Variants in EBF4 observed in about 807,000 individuals in gnomAD.
The protein encoded by EBF4 is transcription factor COE4.
In EBF4, 34 loss-of-function variants were observed where a neutral mutation model predicts 67.1. The observed-to-expected ratio is 0.51, with a 90% CI of 0.39 to 0.67. The LOEUF is 0.67. Ranked by LOEUF, EBF4 falls within the 30% of genes least tolerant of loss-of-function variation. The pLI is 0.00. For missense variants in EBF4, 837 were observed against 873.3 expected, an observed-to-expected ratio of 0.96 and a Z score of 0.52; for synonymous variants, 387 against 377.7, an observed-to-expected ratio of 1.02 and a Z score of -0.29.
At chr20:2,736,008 A>G (rs1278678306) in intron 6 of EBF4, among the ~76,000 whole-genome samples, 2 of 152,358 alleles carry the variant, frequency 1.3e-5, no homozygotes, top group African/African-American at 4.8e-5. Flanking sequence ...ATAGCCACAC[A>G]TATTTATTGG....
rs2087295051 is a variant in EBF4, at chr20:2,696,829, G to A, written c.137+3047G>A. On this transcript the variant is annotated intron_variant, in intron 1 of 16. Transcript: ENST00000609451. The surrounding 1 kb of genome is among the most constrained non-coding windows in gnomAD (Gnocchi z 4.7). ...AGTGGCTTTAATGCTGCCTACGAATGCTTACCATAGGCCAGCATCTGCTCT... is the reference window on the plus strand; with the variant it reads ...AGTGGCTTTAATGCTGCCTACGAATACTTACCATAGGCCAGCATCTGCTCT... Among the ~76,000 whole-genome samples, 1 of 152,024 alleles carries A rather than the reference G, an allele frequency of 6.6e-6. No individual in the cohort carries two copies.
At chr20:2,714,088 G>A (rs2087576976) in intron 6 of EBF4, among the ~76,000 whole-genome samples, 1 of 152,180 alleles carries the variant, frequency 6.6e-6, no homozygotes, top group South Asian at 2.1e-4. Flanking sequence ...ATAAATGGCA[G>A]CAACAAGCAG....
At chr20:2,749,634 A>C in exon 9 of EBF4, 1 of 1,561,518 alleles carries the variant, frequency 6.4e-7, no homozygotes, top group Non-Finnish European at 8.7e-7. Flanking sequence ...CACCCCCTGC[A>C]TCAAGGCCAT....
rs773474239 is a variant in EBF4, at chr20:2,745,153, C to T, written c.558-3396C>T. Among the ~76,000 whole-genome samples the T allele has an allele frequency of 5.9e-5, 9 of 151,898 alleles. No homozygotes were observed. Among genetic ancestry groups the T allele is most frequent in the African/African-American group, 9.7e-5 (4 of 41,324 alleles). On this transcript the variant is annotated intron_variant, in intron 6 of 16. Transcript: ENST00000609451. This position sits in a 1 kb window ranked among gnomAD's most constrained non-coding sequence, Gnocchi z 5.2. ...TGAATGCAGAGATGTGATTCTGACT[C>T]AGCAGGTCTGAGGGGAGGCCTGAGA... is the stretch of plus-strand genomic sequence containing the variant.
intron 6 of EBF4, among the ~76,000 whole-genome samples, chr20:2,731,024 G>T (rs535987101): frequency 6.6e-6 from 1 of 152,054 alleles, no homozygotes; most frequent in African/African-American, 2.4e-5. Flanking sequence ...TCAGCCTCCC[G>T]AGTAGCTGGG....
At chr20:2,758,271 G>A (rs1428075594) in intron 15 of EBF4, among the ~76,000 whole-genome samples, 4 of 152,218 alleles carry the variant, frequency 2.6e-5, no homozygotes, top group Non-Finnish European at 4.4e-5. Context: ...GTCAAAAGAC[G>A]TCACATGCCC....
At chr20:2,715,261 T>TA (rs1012676855) in intron 6 of EBF4, among the ~76,000 whole-genome samples, 12 of 151,490 alleles carry the variant, frequency 7.9e-5, no homozygotes, top group South Asian at 2.1e-4. Context: ...TTTAACTTTA[T>TA]AAAAAAAAAT....
chr20:2,741,753 A>C (rs2087971865), intron 6 of EBF4, among the ~76,000 whole-genome samples: 1 of 152,196 alleles, frequency 6.6e-6, no homozygotes, highest in Non-Finnish European at 1.5e-5. Flanking sequence ...ATACTTCATT[A>C]GTTGGATGAC....
In EBF4 at chr20:2,727,181, C is replaced by T. The variant is rs138690824; in HGVS notation, c.557+17539C>T. On this transcript the variant is annotated intron_variant, in intron 6 of 16. Transcript: ENST00000609451. Reference sequence around the variant, plus strand: ...TTTATTATATATTATATGTTTATAACATGTATATATATTTTATTATATACA... The same window carrying T: ...TTTATTATATATTATATGTTTATAATATGTATATATATTTTATTATATACA... Among the ~76,000 whole-genome samples, 691 of 151,906 alleles carry T rather than the reference C, an allele frequency of 4.5e-3. 2 individuals are homozygous for T. Among genetic ancestry groups the T allele is most frequent in the Non-Finnish European group, 7.0e-3 (475 of 67,974 alleles).
chr20:2,721,249 T>C (rs1022473023), intron 6 of EBF4, among the ~76,000 whole-genome samples: 5 of 107,246 alleles, frequency 4.7e-5, no homozygotes, highest in East Asian at 3.8e-4. Flanking sequence ...TTCTCTTCTT[T>C]TTTTTTTTTT....
At chr20:2,709,498 C>A in intron 5 of EBF4, 76 bp from the exon 6 acceptor site, 2 of 1,396,470 alleles carry the variant, frequency 1.4e-6, no homozygotes, top group Non-Finnish European at 9.6e-7. Flanking sequence ...TCAGGGCGCC[C>A]CCCACAACTC....
intron 7 of EBF4, 91 bp downstream of exon 7, chr20:2,748,721 C>G: frequency 7.1e-7 from 1 of 1,411,634 alleles, no homozygotes; most frequent in Non-Finnish European, 9.7e-7. Flanking sequence ...ACCCTGCCAC[C>G]CTGGGAAAGG....
intron 6 of EBF4, among the ~76,000 whole-genome samples, chr20:2,723,510 C>T (rs62205615): frequency 0.066 from 10,074 of 151,886 alleles, 461 homozygotes; most frequent in South Asian, 0.092. Flanking sequence ...CCACCACGCC[C>T]GGCTAATTTT....
upstream of EBF4, chr20:2,693,499 A>G: frequency 1.0e-6 from 1 of 984,760 alleles, no homozygotes; most frequent in Non-Finnish European, 1.3e-6. This position sits in a 1 kb window ranked among gnomAD's most constrained non-coding sequence, Gnocchi z 4.6. Context: ...GGGAGCGCCC[A>G]AGAGGCGAGC....
chr20:2,750,783 T>A (rs1051140979), intron 10 of EBF4, among the ~76,000 whole-genome samples: 1 of 152,020 alleles, frequency 6.6e-6, no homozygotes, highest in Non-Finnish European at 1.5e-5. Context: ...AAACCTTTGG[T>A]AGGGAGTGCC....
chr20:2,752,079 T>G lies in EBF4; in HGVS notation c.1174-7T>G, dbSNP rs1048363398. On this transcript the variant is annotated splice_polypyrimidine_tract_variant and splice_region_variant and intron_variant, in intron 12 of 16. Transcript: ENST00000609451. ...GCCCCGGCCGTGCCCCGCTCTTGTC[T>G]TCGCAGGAGCTGCTCCTGAAGCGCG... is the stretch of plus-strand genomic sequence containing the variant. 6.9e-7 allele frequency: 1 copy of G among 1,451,714 alleles called. No individual in the cohort carries two copies. Among genetic ancestry groups the G allele is most frequent in the Admixed American group, 3.0e-5 (1 of 33,620 alleles). The allele number at this position is 1,451,714 out of a possible 1,614,324, so 89.9% of individuals were successfully genotyped here. A position where few individuals can be genotyped will look rare whatever the true frequency, so the allele number is the denominator to read the frequency against.
At chr20:2,750,902 C>T (rs987464318) in intron 10 of EBF4, among the ~76,000 whole-genome samples, 4 of 152,126 alleles carry the variant, frequency 2.6e-5, no homozygotes, top group African/African-American at 9.7e-5. Flanking sequence ...GAAGTGAGTG[C>T]TTTCTCTTTG....
Position 2,732,558 on chromosome 20 carries a change from A to G in EBF4, c.558-15991A>G, listed in dbSNP as rs1381138485. On this transcript the variant is annotated intron_variant, in intron 6 of 16. Coordinates refer to ENST00000609451, the Ensembl canonical transcript of EBF4. ...ATAAATTAGTATAGCCACTCCAGCT[A>G]TCTTTCAGTTAGGGTTCACATGTTA... Among the ~76,000 whole-genome samples, 4 of 152,238 alleles carry G rather than the reference A, an allele frequency of 2.6e-5. No homozygotes were observed. The East Asian group carries it at 5.8e-4, about 22-fold the overall frequency.
At position 2,749,833 on chromosome 20, in the gene EBF4, C is replaced by T; in HGVS notation, c.892-14C>T. ...CCGGTGCGGGACCTGCAGGCCTCCC[C>T]TCTCCCCTCGCAGCTCATCACGCCC... is the stretch of plus-strand genomic sequence containing the variant. On this transcript the variant is annotated splice_polypyrimidine_tract_variant and intron_variant, in intron 9 of 16. Transcript: ENST00000609451. The T allele has an allele frequency of 1.9e-6, 3 of 1,546,922 alleles. No individual in the cohort carries two copies. The highest frequency in any genetic ancestry group is 2.6e-6 in the Non-Finnish European group (3 of 1,144,422).
Sources: allele counts gnomAD v4.1 joint callset (sites outside exome capture counted in the v4.1 genomes callset), GRCh38; gene constraint gnomAD v4.1.1; non-coding constraint Gnocchi (gnomAD v3.1); transcripts MANE v1.5; gene names NCBI Gene and HGNC (gene_info 2026-07-23, HGNC 2026-07-21).